The following DHX34 variants were observed in gnomAD, a reference collection of about 807,000 sequenced individuals.
The protein encoded by DHX34 is probable ATP-dependent RNA helicase DHX34.
In DHX34, 96 loss-of-function variants were observed where a neutral mutation model predicts 111.1. The observed-to-expected ratio is 0.86, with a 90% confidence interval of 0.73 to 1.02. DHX34 has a LOEUF of 1.02. DHX34 is among the 50% of genes least tolerant of loss of function. The pLI is 0.00. For missense variants in DHX34, 1,560 were observed against 1,579.9 expected, an observed-to-expected ratio of 0.99 and a Z score of 0.21; for synonymous variants, 688 against 670.4, an observed-to-expected ratio of 1.03 and a Z score of -0.41.
In DHX34 at chr19:47,353,197, A is replaced by C. The variant is rs962550792; in HGVS notation, c.167A>C (p.Glu56Ala). The C allele has an allele frequency of 6.2e-7, 1 of 1,614,154 alleles. No homozygotes were observed. The highest frequency in any genetic ancestry group is 1.7e-5 in the Admixed American group (1 of 59,996). The part of the protein sequence containing the change: ...EEDYIRQGSE[E>A]CQKFWTFFER... ...GATTACATCCGTCAGGGTTCTGAGG[A>C]ATGTCAGAAGTTTTGGACCTTCTTT... is the stretch of plus-strand genomic sequence containing the variant. The change falls in exon 2 of 17, where the codon GAA (glutamate) becomes GCA (alanine). Residue 56 changes from glutamate (E) to alanine (A), a missense_variant. By Grantham distance (107) the Glu-to-Ala change is moderately radical. Coordinates refer to ENST00000328771, the MANE Select transcript of DHX34 (RefSeq NM_014681.6). This position sits in a 1 kb window ranked among gnomAD's most constrained non-coding sequence, Gnocchi z 4.6.
chr19:47,368,693 T>G (rs1969877490), intron 7 of DHX34, among the ~76,000 whole-genome samples: 1 of 150,366 alleles, frequency 6.7e-6, no homozygotes, highest in African/African-American at 2.5e-5. Flanking sequence ...TACACACATA[T>G]ATATACACAC....
At chr19:47,376,913 A>T in intron 12 of DHX34, 187 bp from the exon 13 acceptor site, 3 of 1,535,658 alleles carry the variant, frequency 2.0e-6, no homozygotes, top group Non-Finnish European at 2.6e-6. Flanking sequence ...GTCTCGCTGC[A>T]GGCATGGCTG....
chr19:47,376,371 G>T, intron 11 of DHX34, 72 bp from the exon 12 acceptor site: 1 of 1,558,616 alleles, frequency 6.4e-7, no homozygotes, highest in Non-Finnish European at 8.7e-7. Context: ...GGGCCAGAGG[G>T]TGGAGGAGAG....
At chr19:47,381,669 C>T (rs558289216) in intron 16 of DHX34, 82 of 625,084 alleles carry the variant, frequency 1.3e-4, no homozygotes, top group African/African-American at 9.4e-4. Flanking sequence ...CCCAGGGATG[C>T]CACACACTGG....
chr19:47,382,053 C>CG lies in DHX34; in HGVS notation c.3375dup (p.Lys1126GlufsTer52). The CG allele has an allele frequency of 6.2e-7, 1 of 1,614,144 alleles. No homozygotes were observed. The highest frequency in any genetic ancestry group is 8.5e-7 in the Non-Finnish European group (1 of 1,180,020). On this transcript the variant is annotated frameshift_variant, in exon 17 of 17. Transcript: ENST00000328771. LOFTEE classifies it high-confidence loss of function. ...AGAGGCCCTACCACTGCGAGGCCTG[C>CG]GGGAAGGACTTCCTCTTTACACCCA...
chr19:47,361,438 A>T (rs1969628051), intron 5 of DHX34, among the ~76,000 whole-genome samples: 1 of 152,004 alleles, frequency 6.6e-6, no homozygotes, highest in African/African-American at 2.4e-5. Flanking sequence ...AGCCTGGGCA[A>T]CAGAGCGAGA....
chr19:47,372,326 C>T (rs780501972), intron 7 of DHX34, among the ~76,000 whole-genome samples: 4 of 151,844 alleles, frequency 2.6e-5, no homozygotes, highest in East Asian at 1.9e-4. Flanking sequence ...CACTCTAGCG[C>T]GGAGGAGAGA....
Position 47,373,402 on chromosome 19 carries a change from C to G in DHX34, c.1963-197C>G, listed in dbSNP as rs570311443. 11 of 896,910 alleles carry G rather than the reference C, an allele frequency of 1.2e-5. No homozygotes were observed. In the African/African-American group the frequency reaches 1.8e-4, roughly 15 times the overall value. 55.6% of individuals were successfully genotyped at this position (896,910 alleles called of 1,614,324 possible). A position where few individuals can be genotyped will look rare whatever the true frequency, so the allele number is the denominator to read the frequency against. ...TGGGGAGTCCAGGGGGCTGGGACAA[C>G]CCAGCGGGGCATCTAACCCAGTTTG... On this transcript the variant is annotated intron_variant, in intron 8 of 16. Coordinates refer to ENST00000328771, the MANE Select transcript of DHX34 (RefSeq NM_014681.6).
chr19:47,381,874 A>C (rs1970371254), intron 16 of DHX34, 106 bp from the exon 17 acceptor site: 19 of 1,541,880 alleles, frequency 1.2e-5, no homozygotes, highest in Non-Finnish European at 1.7e-5. Context: ...TGGGTTCTCC[A>C]AAGGCCAGGA....
In DHX34 at chr19:47,358,047, C is replaced by A; in HGVS notation, c.1199C>A (p.Thr400Asn). Residue 400 changes from threonine (T) to asparagine (N), a missense_variant, in exon 4 of 17, where the codon ACC (threonine) becomes AAC (asparagine). Transcript: ENST00000328771. Reference protein sequence around the residue: ...EISAVLEAAQTYASHTQRWVV... With the variant: ...EISAVLEAAQNYASHTQRWVV... ...AGCGCCGTGCTGGAGGCTGCCCAGA[C>A]CTATGCCAGCCACACCCAGCGCTGG... 4 of 1,612,896 alleles carry A rather than the reference C, an allele frequency of 2.5e-6. No homozygotes were observed. Among genetic ancestry groups the A allele is most frequent in the Non-Finnish European group, 3.4e-6 (4 of 1,179,920 alleles).
intron 1 of DHX34, among the ~76,000 whole-genome samples, chr19:47,350,249 A>C (rs561269014): frequency 6.7e-6 from 1 of 149,322 alleles, no homozygotes; most frequent in South Asian, 2.1e-4. Flanking sequence ...ATTCAAACAG[A>C]AAATGAGAAA....
rs374537824 is a variant in DHX34 at position 47,381,974 on chromosome 19, C to T, written c.3299-6C>T. On this transcript the variant is annotated splice_polypyrimidine_tract_variant and splice_region_variant and intron_variant, in intron 16 of 16. Transcript: ENST00000328771. ...CCCTCACAGCCTCCTCCTTTTCCTCCCTTAGGGGCTGAGGAAGCTGCCCTC... is the reference window on the plus strand; with the variant it reads ...CCCTCACAGCCTCCTCCTTTTCCTCTCTTAGGGGCTGAGGAAGCTGCCCTC... 235 of 1,614,060 alleles carry T rather than the reference C, an allele frequency of 1.5e-4. No homozygotes were observed. Among genetic ancestry groups the T allele is most frequent in the Non-Finnish European group, 1.9e-4 (225 of 1,179,972 alleles).
chr19:47,365,792 A>G (rs1200378628), intron 6 of DHX34, among the ~76,000 whole-genome samples: 1 of 152,130 alleles, frequency 6.6e-6, no homozygotes, highest in African/African-American at 2.4e-5. Context: ...TACGTATGCC[A>G]CGCCAGACCC....
intron 1 of DHX34, 86 bp downstream of exon 1, chr19:47,349,438 G>T (rs1969217814): frequency 6.6e-6 from 1 of 152,414 alleles, no homozygotes; most frequent in African/African-American, 2.4e-5. Flanking sequence ...TTTGGGGTGC[G>T]AGTCCAGGGG....
At chr19:47,351,688 C>A (rs1969292031) in intron 1 of DHX34, among the ~76,000 whole-genome samples, 2 of 152,154 alleles carry the variant, frequency 1.3e-5, no homozygotes, top group South Asian at 4.1e-4. Context: ...GCTTTTCTGT[C>A]CTAGCAACCG....
chr19:47,376,374 G>A (rs1346858038), intron 11 of DHX34, 69 bp from the exon 12 acceptor site: 5 of 1,560,864 alleles, frequency 3.2e-6, no homozygotes, highest in Non-Finnish European at 4.3e-6. Flanking sequence ...CCAGAGGGTG[G>A]AGGAGAGGCA....
Position 47,379,694 on chromosome 19 carries a change from G to GC in DHX34, c.2707-11dup, listed in dbSNP as rs767281119. ...CCCTCCCACCTACTCCCTGTCTTCT[G>GC]CCCCCTCTCTTTCAGTCCCTCCTGC... On this transcript the variant is annotated splice_polypyrimidine_tract_variant and intron_variant, in intron 13 of 16. Transcript: ENST00000328771. 1.1e-5 allele frequency: 17 copies of GC among 1,583,754 alleles called. No homozygotes were observed. In the Middle Eastern group the frequency reaches 5.4e-4, roughly 50 times the overall value.
chr19:47,366,892 A>G (rs1486525614), intron 6 of DHX34, 89 bp from the exon 7 acceptor site: 4 of 1,412,590 alleles, frequency 2.8e-6, no homozygotes, highest in African/African-American at 1.5e-5. Flanking sequence ...GAATTTTAAA[A>G]CGTCATGAAT....
chr19:47,362,832 G>A (rs1203374510), intron 6 of DHX34, 139 bp downstream of exon 6: 3 of 823,264 alleles, frequency 3.6e-6, no homozygotes, highest in Non-Finnish European at 5.3e-6. Context: ...GTGCAGTGCT[G>A]TGATCATGGC....
Sources: gnomAD v4.1 joint callset for allele counts (sites outside exome capture counted in the v4.1 genomes callset) on GRCh38, gnomAD v4.1.1 for gene constraint, Gnocchi (gnomAD v3.1) non-coding constraint, MANE v1.5 for transcripts, NCBI Gene and HGNC (gene_info 2026-07-23, HGNC 2026-07-21) for gene names.